HDLBP: variants seen among roughly 807,000 people sequenced by gnomAD.
HDLBP encodes the protein vigilin.
A neutral mutation model predicts 137.3 loss-of-function variants in HDLBP; 30 were observed. The ratio of observed to expected loss-of-function variants is 0.22; its 90% confidence interval spans 0.16 to 0.30. The LOEUF is 0.30. HDLBP is among the 10% of genes least tolerant of loss of function. The probability of loss-of-function intolerance (pLI) is 1.00; values close to 1 mark genes in which losing one functional copy is unlikely to be tolerated. For synonymous variants in HDLBP, 606 were observed against 596.0 expected, an observed-to-expected ratio of 1.02 and a Z score of -0.24; for missense variants, 1,119 against 1,667.3, an observed-to-expected ratio of 0.67 and a Z score of 5.73.
In HDLBP at chr2:241,239,575, C is replaced by G. The variant is rs778419519; in HGVS notation, c.2610+27G>C. The G allele has an allele frequency of 1.3e-6, 2 of 1,591,018 alleles. No homozygotes were observed. Among genetic ancestry groups the G allele is most frequent in the African/African-American group, 2.7e-5 (2 of 74,496 alleles). On this transcript the variant is annotated intron_variant, in intron 19 of 27. Transcript: ENST00000310931. The surrounding 1 kb of genome is among the most constrained non-coding windows in gnomAD (Gnocchi z 4.6). ...GTGAGTGGCCACTGGGGGGTGAGAA[C>G]CCCTCCCCGAGCACCCAAGTGCCTA...
At position 241,307,308 on chromosome 2, in the gene HDLBP, C is replaced by T. The variant is rs151233145; in HGVS notation, c.-103+8262G>A. On this transcript the variant is annotated intron_variant, in intron 1 of 27. Coordinates refer to ENST00000310931, the MANE Select transcript of HDLBP (RefSeq NM_005336.6). ...TGAAAGAATTCATCGAGACTGCTCACGCCACTTGCTGACTGTTGACTTTGA... is the reference window on the plus strand; with the variant it reads ...TGAAAGAATTCATCGAGACTGCTCATGCCACTTGCTGACTGTTGACTTTGA... Among the ~76,000 whole-genome samples, 785 of 152,322 alleles carry T rather than the reference C, an allele frequency of 5.2e-3. 4 individuals carry two copies. The highest frequency in any genetic ancestry group is 0.018 in the African/African-American group (747 of 41,564).
chr2:241,255,676 C>T, intron 7 of HDLBP, 96 bp from the exon 8 acceptor site: 1 of 906,392 alleles, frequency 1.1e-6, no homozygotes, highest in Admixed American at 1.8e-5. Flanking sequence ...CCAAAGCGGC[C>T]CAGACTATAG....
chr2:241,302,188 T>C (rs913197573), intron 1 of HDLBP, among the ~76,000 whole-genome samples: 2 of 151,742 alleles, frequency 1.3e-5, no homozygotes, highest in African/African-American at 4.8e-5. Flanking sequence ...AGCCCAGGAG[T>C]TCGAGACTGC....
chr2:241,300,470 C>A (rs149817781), intron 1 of HDLBP, among the ~76,000 whole-genome samples: 5 of 152,326 alleles, frequency 3.3e-5, no homozygotes, highest in Non-Finnish European at 7.4e-5. Flanking sequence ...CATGCACACA[C>A]ACACATTTCC....
chr2:241,289,939 T>C (rs549970855), intron 1 of HDLBP, among the ~76,000 whole-genome samples: 4 of 151,690 alleles, frequency 2.6e-5, no homozygotes, highest in Admixed American at 6.6e-5. Flanking sequence ...ACAGCAGAGA[T>C]AGCGAGACAT....
At chr2:241,267,518 C>T (rs2073768551) in intron 2 of HDLBP, 2 of 1,474,400 alleles carry the variant, frequency 1.4e-6, no homozygotes, top group African/African-American at 1.4e-5. Context: ...CATAGATCAA[C>T]ACCAGGATCG....
At chr2:241,255,005 G>A (rs1032279958) in intron 9 of HDLBP, 46 bp downstream of exon 9, 21 of 1,407,862 alleles carry the variant, frequency 1.5e-5, no homozygotes, top group Non-Finnish European at 2.1e-5. Context: ...CAGAAAGACA[G>A]AAAACAAGAC....
Position 241,230,249 on chromosome 2 carries a change from C to A in HDLBP, c.3495G>T (p.Gln1165His). Reference sequence around the variant, plus strand: ...CGCAGTTGGGGTCTGGGGCTCCGCTCTGTGGGAAGCGAATGTCCACCTGGA... The same window carrying A: ...CGCAGTTGGGGTCTGGGGCTCCGCTATGTGGGAAGCGAATGTCCACCTGGA... ...DEFKVDIRFP[Q>H]SGAPDPNCVT... is the part of the protein sequence containing the mutation. The change falls in exon 26 of 28, where the codon CAG (glutamine) becomes CAT (histidine). Residue 1165 changes from glutamine (Q) to histidine (H), a missense_variant. By Grantham distance (24) the Gln-to-His change is conservative (BLOSUM62 0). Around this residue, in one of 4 missense-constraint regions of HDLBP, gnomAD observed 618 missense variants for 816.7 expected, o/e 0.76. Coordinates refer to ENST00000310931, the MANE Select transcript of HDLBP (RefSeq NM_005336.6). The surrounding 1 kb of genome is among the most constrained non-coding windows in gnomAD (Gnocchi z 5.0). 6.3e-7 allele frequency: 1 copy of A among 1,594,018 alleles called. No homozygotes were observed. The highest frequency in any genetic ancestry group is 1.1e-5 in the South Asian group (1 of 90,140).
rs750655294 is a variant in HDLBP at position 241,240,189 on chromosome 2, A to G, written c.2170-67T>C. On this transcript the variant is annotated intron_variant, in intron 17 of 27. Coordinates refer to ENST00000310931, the MANE Select transcript of HDLBP (RefSeq NM_005336.6). The surrounding 1 kb of genome is among the most constrained non-coding windows in gnomAD (Gnocchi z 5.5). ...CCTGGACCACAGTGAGGAAGACAAG[A>G]GGGTCTGTAGGACAGCAAGCTCGGG... is the stretch of plus-strand genomic sequence containing the variant. 2.0e-6 allele frequency: 3 copies of G among 1,478,534 alleles called. No individual in the cohort carries two copies. In the East Asian group the frequency reaches 6.8e-5, roughly 33 times the overall value. 91.6% of individuals were successfully genotyped at this position (1,478,534 alleles called of 1,614,324 possible).
rs747242275 is a variant in HDLBP, at chr2:241,239,891, C to T, written c.2391+10G>A. 15 of 1,613,386 alleles carry T rather than the reference C, an allele frequency of 9.3e-6. No homozygotes were observed. Among genetic ancestry groups the T allele is most frequent in the East Asian group, 2.2e-5 (1 of 44,876 alleles). On this transcript the variant is annotated intron_variant, in intron 18 of 27. Transcript: ENST00000310931. The surrounding 1 kb of genome is among the most constrained non-coding windows in gnomAD (Gnocchi z 4.6). ...CCCAGCAGAGTCGGCCGCCGAGGCC[C>T]GCTCCCTACCAGGTTTTGGATCAAG...
intron 11 of HDLBP, chr2:241,250,852 C>G (rs1442881466): frequency 2.0e-5 from 3 of 151,704 alleles, no homozygotes; most frequent in Non-Finnish European, 4.4e-5. Context: ...CGAAAGAAGA[C>G]AAGAGTTAGG....
At chr2:241,303,812 T>C (rs568371864) in intron 1 of HDLBP, among the ~76,000 whole-genome samples, 51 of 152,284 alleles carry the variant, frequency 3.3e-4, no homozygotes, top group African/African-American at 1.1e-3. Context: ...GTTCAGAATA[T>C]TACTTCTTTT....
intron 1 of HDLBP, among the ~76,000 whole-genome samples, chr2:241,277,296 A>G (rs934987402): frequency 6.6e-6 from 1 of 152,176 alleles, no homozygotes; most frequent in Non-Finnish European, 1.5e-5. Flanking sequence ...TAGAACAAAA[A>G]ACACCAGAAT....
intron 1 of HDLBP, chr2:241,268,861 G>C (rs2073869525): frequency 6.6e-6 from 1 of 152,164 alleles, no homozygotes; most frequent in Admixed American, 6.5e-5. Context: ...AGAACCACTG[G>C]TGCTCTCCTG....
At position 241,272,636 on chromosome 2, in the gene HDLBP, G is replaced by GCCCC. The variant is rs2074185641; in HGVS notation, c.-102-4096_-102-4095insGGGG. 14 of 969,866 alleles carry GCCCC rather than the reference G, an allele frequency of 1.4e-5. No individual in the cohort carries two copies. The highest frequency in any genetic ancestry group is 2.4e-6 in the Non-Finnish European group (2 of 817,278). The allele number at this position is 969,866 out of a possible 1,614,324, so 60.1% of individuals were successfully genotyped here. A position where few individuals can be genotyped will look rare whatever the true frequency, so the allele number is the denominator to read the frequency against. On this transcript the variant is annotated intron_variant, in intron 1 of 27. Transcript: ENST00000310931. The surrounding 1 kb of genome is among the most constrained non-coding windows in gnomAD (Gnocchi z 5.6). ...GCCTGGGGCCCGGGTGGGGGCCGCGGCACCCGGGCCCCTCCCCCTCCGCGG... is the reference window on the plus strand; with the variant it reads ...GCCTGGGGCCCGGGTGGGGGCCGCGGCCCCCACCCGGGCCCCTCCCCCTCCGCGG...
intron 1 of HDLBP, among the ~76,000 whole-genome samples, chr2:241,282,193 C>T (rs1252729128): frequency 6.6e-6 from 1 of 152,096 alleles, no homozygotes; most frequent in African/African-American, 2.4e-5. Context: ...TCTTTAATAA[C>T]CCATTTTTAA....
At chr2:241,276,241 T>C (rs1028509045) in intron 1 of HDLBP, among the ~76,000 whole-genome samples, 1 of 152,106 alleles carries the variant, frequency 6.6e-6, no homozygotes, top group African/African-American at 2.4e-5. Context: ...TTAAAGACAA[T>C]CTAGGAAAAA....
At chr2:241,264,918 G>C (rs1288829287) in intron 3 of HDLBP, among the ~76,000 whole-genome samples, 1 of 152,166 alleles carries the variant, frequency 6.6e-6, no homozygotes, top group African/African-American at 2.4e-5. Flanking sequence ...CCCTAACGGG[G>C]TGAGTCCCTT....
chr2:241,246,375 T>TG (rs2071683385), intron 16 of HDLBP, among the ~76,000 whole-genome samples: 1 of 152,190 alleles, frequency 6.6e-6, no homozygotes, highest in South Asian at 2.1e-4. Flanking sequence ...AATGATTCCA[T>TG]GGATGTATAC....
Sources: allele counts gnomAD v4.1 joint callset (sites outside exome capture counted in the v4.1 genomes callset), GRCh38; gene constraint gnomAD v4.1.1; regional missense constraint gnomAD v4.1.1; non-coding constraint Gnocchi (gnomAD v3.1); transcripts MANE v1.5; gene names NCBI Gene and HGNC (gene_info 2026-07-23, HGNC 2026-07-21).